The following ZFYVE28 variants were observed in gnomAD, a reference collection of about 807,000 sequenced individuals.
ZFYVE28 encodes lateral signaling target protein 2 homolog.
In ZFYVE28, 40 loss-of-function variants were observed where a neutral mutation model predicts 82.1. That is an observed-to-expected ratio of 0.49 (90% CI 0.38 to 0.63). ZFYVE28 has a LOEUF of 0.63. ZFYVE28 is among the 30% of genes least tolerant of loss of function. ZFYVE28 has a pLI of 0.00. For synonymous variants in ZFYVE28, 612 were observed against 546.1 expected (o/e 1.12, Z -1.68); for missense variants, 1,321 against 1,242.1 (o/e 1.06, Z -0.96).
intron 1 of ZFYVE28, among the ~76,000 whole-genome samples, chr4:2,397,116 T>C (rs1273181907): frequency 1.3e-5 from 2 of 152,212 alleles, no homozygotes; most frequent in African/African-American, 4.8e-5. Flanking sequence ...ATTGCAGTGA[T>C]GTAAACATAA....
rs1409296172 is a variant in ZFYVE28, at chr4:2,372,278, G to C, written c.40-18205C>G. On this transcript the variant is annotated intron_variant, in intron 1 of 12. Coordinates refer to ENST00000290974, the MANE Select transcript of ZFYVE28 (RefSeq NM_020972.3). This position sits in a 1 kb window ranked among gnomAD's most constrained non-coding sequence, Gnocchi z 5.2. The stretch of plus-strand genomic sequence containing the variant: ...TCTGGTTCCGAGAAGGACTCGTGAG[G>C]GGGTAGGAATGGTCCCACCACCCTC... 4.6e-5 allele frequency among the ~76,000 whole-genome samples: 7 copies of C among 152,132 alleles called. No individual in the cohort carries two copies. Among genetic ancestry groups the C allele is most frequent in the African/African-American group, 1.7e-4 (7 of 41,414 alleles).
At position 2,305,443 on chromosome 4, in the gene ZFYVE28, G is replaced by T. The variant is rs769423252; in HGVS notation, c.897C>A (p.Asp299Glu). The change falls in exon 8 of 13, where the codon GAC (aspartate) becomes GAA (glutamate). Residue 299 changes from aspartate (D) to glutamate (E), a missense_variant. Coordinates refer to ENST00000290974, the MANE Select transcript of ZFYVE28 (RefSeq NM_020972.3). ...SQDVEFPIRA[D>E]VQGPAALAPA... is the part of the protein sequence containing the mutation. ...GCGCCAGGGCAGCGGGTCCCTGCACGTCTGCGCGGATGGGGAACTCCACGT... is the reference window on the plus strand; with the variant it reads ...GCGCCAGGGCAGCGGGTCCCTGCACTTCTGCGCGGATGGGGAACTCCACGT... The T allele has an allele frequency of 6.2e-7, 1 of 1,612,964 alleles. No individual in the cohort carries two copies. Among genetic ancestry groups the T allele is most frequent in the East Asian group, 2.2e-5 (1 of 44,892 alleles).
intron 1 of ZFYVE28, among the ~76,000 whole-genome samples, chr4:2,382,516 C>T (rs1209031014): frequency 6.6e-6 from 1 of 152,170 alleles, no homozygotes; most frequent in Non-Finnish European, 1.5e-5. Context: ...TTGACTGTCC[C>T]GCTGGATTTC....
chr4:2,401,324 T>A, intron 1 of ZFYVE28, among the ~76,000 whole-genome samples: 1 of 152,098 alleles, frequency 6.6e-6, no homozygotes, highest in East Asian at 1.9e-4. Flanking sequence ...GGTGCCCCAG[T>A]TACAGGGGCA....
intron 1 of ZFYVE28, among the ~76,000 whole-genome samples, chr4:2,382,053 T>C (rs972329981): frequency 3.3e-5 from 5 of 152,216 alleles, no homozygotes; most frequent in African/African-American, 1.2e-4. Context: ...TTCCACATGG[T>C]GTTGAGCCTG....
chr4:2,280,297 C>T (rs956256371), intron 8 of ZFYVE28, among the ~76,000 whole-genome samples: 18 of 152,146 alleles, frequency 1.2e-4, no homozygotes, highest in African/African-American at 4.1e-4. Flanking sequence ...CACTTGAGGC[C>T]AGGAGTTCAA....
intron 1 of ZFYVE28, among the ~76,000 whole-genome samples, chr4:2,375,136 C>T (rs1289218080): frequency 3.9e-5 from 6 of 152,336 alleles, no homozygotes; most frequent in African/African-American, 1.4e-4. Flanking sequence ...GGGCTCACGT[C>T]CCCTTCCCTC....
rs1380433315 is a variant in ZFYVE28, at chr4:2,270,824, T to C, written c.2565A>G (p.Ala855=). Residue 855 remains alanine, a synonymous_variant, in exon 13 of 13, where the codon GCA becomes GCG. Transcript: ENST00000290974. ...IFCSRCSSHS[A]PLPRYGQVKP... Reference sequence around the variant, plus strand: ...TCACCTGCCCGTAGCGGGGCAGCGGTGCTGAGTGCGAGGAGCAGCGCGAGC... The same window carrying C: ...TCACCTGCCCGTAGCGGGGCAGCGGCGCTGAGTGCGAGGAGCAGCGCGAGC... The C allele has an allele frequency of 6.2e-7, 1 of 1,613,000 alleles. No individual in the cohort carries two copies. Among genetic ancestry groups the C allele is most frequent in the Admixed American group, 1.7e-5 (1 of 60,014 alleles).
At chr4:2,296,930 G>C (rs1409826129) in intron 8 of ZFYVE28, among the ~76,000 whole-genome samples, 2 of 152,204 alleles carry the variant, frequency 1.3e-5, no homozygotes, top group Non-Finnish European at 2.9e-5. Flanking sequence ...CCACACTAGG[G>C]CCGGGCCACT....
At chr4:2,293,048 G>A (rs1483779863) in intron 8 of ZFYVE28, among the ~76,000 whole-genome samples, 5 of 151,602 alleles carry the variant, frequency 3.3e-5, no homozygotes, top group African/African-American at 9.7e-5. Context: ...ATGTGATTAC[G>A]TCAAAGAATG....
At chr4:2,395,335 T>C (rs1413767856) in intron 1 of ZFYVE28, among the ~76,000 whole-genome samples, 1 of 152,210 alleles carries the variant, frequency 6.6e-6, no homozygotes, top group Non-Finnish European at 1.5e-5. Flanking sequence ...CATACTTAAC[T>C]ACACTGTTTC....
chr4:2,304,769 G>A lies in ZFYVE28; in HGVS notation c.1571C>T (p.Pro524Leu), dbSNP rs761421621. 1 of 1,612,690 alleles carries A rather than the reference G, an allele frequency of 6.2e-7. No individual in the cohort carries two copies. Among genetic ancestry groups the A allele is most frequent in the African/African-American group, 1.3e-5 (1 of 75,036 alleles). ...GGCGACCGCAGAGTCCAGGGAAGTG[G>A]GCGATTTGGGGTTGAAGATGACCGT... ...SATVIFNPKS[P>L]TSLDSAVATQ... Residue 524 changes from proline (P) to leucine (L), a missense_variant, in exon 8 of 13, where the codon CCC (proline) becomes CTC (leucine). Coordinates refer to ENST00000290974, the MANE Select transcript of ZFYVE28 (RefSeq NM_020972.3).
intron 1 of ZFYVE28, among the ~76,000 whole-genome samples, chr4:2,393,545 G>A (rs1019880554): frequency 1.3e-5 from 2 of 152,218 alleles, no homozygotes; most frequent in Admixed American, 6.5e-5. Flanking sequence ...CACAGTCCCT[G>A]AGCCTGGCTC....
At chr4:2,277,681 T>C (rs1255919876) in intron 8 of ZFYVE28, among the ~76,000 whole-genome samples, 1 of 151,748 alleles carries the variant, frequency 6.6e-6, no homozygotes, top group Non-Finnish European at 1.5e-5. Flanking sequence ...TGTTGAAAAA[T>C]ATTAGAAGAC....
intron 8 of ZFYVE28, among the ~76,000 whole-genome samples, chr4:2,277,254 C>T (rs1255180716): frequency 2.0e-5 from 3 of 152,072 alleles, no homozygotes; most frequent in South Asian, 2.1e-4. Flanking sequence ...CCGAGGCAGG[C>T]GGACTGCCTG....
intron 10 of ZFYVE28, among the ~76,000 whole-genome samples, chr4:2,272,490 G>A (rs1410287462): frequency 6.6e-6 from 1 of 152,214 alleles, no homozygotes; most frequent in Non-Finnish European, 1.5e-5. Context: ...TAACATGTGC[G>A]CACGTGTGAG....
intron 1 of ZFYVE28, among the ~76,000 whole-genome samples, chr4:2,368,970 C>T (rs752466759): frequency 3.9e-5 from 6 of 152,212 alleles, no homozygotes; most frequent in Non-Finnish European, 7.3e-5. Context: ...TATGTCTTCG[C>T]CAACACTTGT....
intron 1 of ZFYVE28, among the ~76,000 whole-genome samples, chr4:2,412,502 C>T (rs1264904141): frequency 6.6e-6 from 1 of 152,234 alleles, no homozygotes; most frequent in East Asian, 1.9e-4. Flanking sequence ...GTGGGAGGGA[C>T]GAGAATTCCC....
chr4:2,356,643 G>C (rs975236832), intron 1 of ZFYVE28, among the ~76,000 whole-genome samples: 2 of 152,214 alleles, frequency 1.3e-5, no homozygotes, highest in African/African-American at 4.8e-5. Flanking sequence ...CAGTCGCCCA[G>C]CGACCCCTCC....
Sources: allele counts gnomAD v4.1 joint callset (sites outside exome capture counted in the v4.1 genomes callset), GRCh38; gene constraint gnomAD v4.1.1; non-coding constraint Gnocchi (gnomAD v3.1); transcripts MANE v1.5; gene names NCBI Gene and HGNC (gene_info 2026-07-23, HGNC 2026-07-21).